EWSR1: variants seen among roughly 807,000 people sequenced by gnomAD.
EWSR1 encodes the protein EWS RNA binding protein 1.
In EWSR1, 14 loss-of-function variants were observed where a neutral mutation model predicts 92.1. That is an observed-to-expected ratio of 0.15 (90% CI 0.10 to 0.24). The LOEUF (loss-of-function observed/expected upper bound fraction) is 0.24. Among genes scored for constraint, EWSR1 ranks in the 10% least tolerant of loss-of-function variants. EWSR1 has a pLI of 1.00. For missense variants in EWSR1, 637 were observed against 870.9 expected (o/e 0.73, Z 3.38); for synonymous variants, 303 against 292.9 (o/e 1.03, Z -0.35).
rs2058284464 is a variant in EWSR1 at position 29,268,297 on chromosome 22, G to A, written c.-40G>A. On this transcript the variant is annotated 5_prime_UTR_variant, in exon 1 of 17. Transcript: ENST00000397938. ...TGCGGCGCCTAGAGGGAAAGCGAGA[G>A]GGAGACGGACGTTGAGAGAACGAGG... The A allele has an allele frequency of 1.9e-6, 3 of 1,610,440 alleles. No individual in the cohort carries two copies. The highest frequency in any genetic ancestry group is 4.5e-5 in the East Asian group (2 of 44,854).
chr22:29,274,226 A>G, intron 4 of EWSR1: 1 of 1,611,268 alleles, frequency 6.2e-7, no homozygotes, highest in Non-Finnish European at 8.5e-7. Context: ...GCTTCATCTG[A>G]TAGTGTACCC....
chr22:29,292,117 T>C lies in EWSR1; in HGVS notation c.1013-20T>C, dbSNP rs1189489217. 1 of 1,611,922 alleles carries C rather than the reference T, an allele frequency of 6.2e-7. No homozygotes were observed. Among genetic ancestry groups the C allele is most frequent in the African/African-American group, 1.3e-5 (1 of 74,900 alleles). ...AGACGTGCACTAATAATATTTTATATGATCTTTCCTGGTTGGCAGGACCCA... is the reference window on the plus strand; with the variant it reads ...AGACGTGCACTAATAATATTTTATACGATCTTTCCTGGTTGGCAGGACCCA... On this transcript the variant is annotated intron_variant, in intron 9 of 16. Transcript: ENST00000397938.
Position 29,299,702 on chromosome 22 carries a change from A to G in EWSR1, c.1782A>G (p.Gly594=). 2 of 1,612,158 alleles carry G rather than the reference A, an allele frequency of 1.2e-6. No individual in the cohort carries two copies. The highest frequency in any genetic ancestry group is 1.7e-6 in the Non-Finnish European group (2 of 1,179,100). The change falls in exon 16 of 17, where the codon GGA becomes GGG. Residue 594 remains glycine (G), a synonymous_variant. Coordinates refer to ENST00000397938, the MANE Select transcript of EWSR1 (RefSeq NM_005243.4). ...GAATGTTCAGAGGTGGCCGTGGTGG[A>G]GACAGAGGTGGCTTCCGTGGTGGCC... ...PGGMFRGGRG[G]DRGGFRGGRG... is the part of the protein sequence containing the mutation.
chr22:29,288,676 A>G lies in EWSR1; in HGVS notation c.864A>G (p.Pro288=), dbSNP rs771505562. 2 of 1,613,978 alleles carry G rather than the reference A, an allele frequency of 1.2e-6. No individual in the cohort carries two copies. The highest frequency in any genetic ancestry group is 1.7e-6 in the Non-Finnish European group (2 of 1,179,866). ...YGQESGGFSG[P]GENRSMSGPD... Reference sequence around the variant, plus strand: ...AGGAGTCTGGAGGATTTTCCGGACCAGGAGAGAACCGGAGCATGAGTGGCC... The same window carrying G: ...AGGAGTCTGGAGGATTTTCCGGACCGGGAGAGAACCGGAGCATGAGTGGCC... The change falls in exon 8 of 17, where the codon CCA becomes CCG. Residue 288 remains proline (P), a synonymous_variant. Coordinates refer to ENST00000397938, the MANE Select transcript of EWSR1 (RefSeq NM_005243.4).
intron 13 of EWSR1, 89 bp downstream of exon 13, chr22:29,298,038 T>G (rs1434193574): frequency 7.1e-7 from 1 of 1,406,054 alleles, no homozygotes; most frequent in Admixed American, 2.2e-5. Flanking sequence ...TGAAGAAATA[T>G]AAAATTGTGT....
At chr22:29,279,414 T>C (rs992710875) in intron 5 of EWSR1, among the ~76,000 whole-genome samples, 1 of 152,212 alleles carries the variant, frequency 6.6e-6, no homozygotes, top group African/African-American at 2.4e-5. Flanking sequence ...TTCCCTACAT[T>C]GTATAGAGGC....
intron 3 of EWSR1, among the ~76,000 whole-genome samples, chr22:29,273,016 T>C (rs556938361): frequency 6.6e-6 from 1 of 152,182 alleles, no homozygotes; most frequent in Non-Finnish European, 1.5e-5. Flanking sequence ...CATGGAAACA[T>C]GTTCTAGGAC....
chr22:29,290,169 G>T, intron 8 of EWSR1: 1 of 384,764 alleles, frequency 2.6e-6, no homozygotes. Flanking sequence ...AGAGACCATG[G>T]CTTTCCCCAT....
intron 12 of EWSR1, among the ~76,000 whole-genome samples, chr22:29,296,872 C>G (rs2147752224): frequency 6.6e-6 from 1 of 152,118 alleles, no homozygotes; most frequent in South Asian, 2.1e-4. Context: ...AAAACCCTGT[C>G]TCTACAAAAA....
chr22:29,291,662 CTA>C (rs1479970962), intron 9 of EWSR1, 63 bp downstream of exon 9: 4 of 1,472,978 alleles, frequency 2.7e-6, no homozygotes, highest in Non-Finnish European at 3.7e-6. Flanking sequence ...TTTTAGAAAA[CTA>C]TAATTTTTTT....
chr22:29,277,756 A>G, intron 4 of EWSR1: 1 of 404,900 alleles, frequency 2.5e-6, no homozygotes, highest in South Asian at 4.1e-5. Context: ...AAGAGGGGGC[A>G]GAAGGAACCC....
intron 6 of EWSR1, among the ~76,000 whole-genome samples, chr22:29,286,323 G>GT (rs2060027749): frequency 6.6e-6 from 1 of 151,858 alleles, no homozygotes; most frequent in Non-Finnish European, 1.5e-5. Flanking sequence ...AGCTGAAAAT[G>GT]ACCATTGTTT....
At chr22:29,292,314 TCTACTCATAATTG>T in intron 10 of EWSR1, 145 bp downstream of exon 10, 1 of 1,022,012 alleles carries the variant, frequency 9.8e-7, no homozygotes, top group South Asian at 1.3e-5. Context: ...TATGTGAGCA[TCTACTCATAATTG>T]CCTTAAGTGA....
intron 4 of EWSR1, chr22:29,276,166 T>C (rs2059107549): frequency 4.3e-6 from 1 of 231,232 alleles, no homozygotes; most frequent in Admixed American, 5.6e-5. Flanking sequence ...TTGTAAATCT[T>C]ATAGACGTGT....
chr22:29,292,533 A>G lies in EWSR1; in HGVS notation c.1091A>G (p.Tyr364Cys). 1 of 1,614,018 alleles carries G rather than the reference A, an allele frequency of 6.2e-7. No individual in the cohort carries two copies. Among genetic ancestry groups the G allele is most frequent in the Non-Finnish European group, 8.5e-7 (1 of 1,179,940 alleles). Residue 364 changes from tyrosine (Y) to cysteine (C), a missense_variant, in exon 11 of 17, where the codon TAT becomes TGT. By Grantham distance (194) the Tyr-to-Cys change is radical (BLOSUM62 -2). Around this residue, in one of 5 missense-constraint regions of EWSR1, gnomAD observed 363 missense variants for 447.8 expected, o/e 0.81. Coordinates refer to ENST00000397938, the MANE Select transcript of EWSR1 (RefSeq NM_005243.4). ...GAAGACTCTGACAACAGTGCAATTT[A>G]TGTACAAGGATTAAATGACAGTGTG... ...PDEDSDNSAIYVQGLNDSVTL... is the reference protein window; with the variant it reads ...PDEDSDNSAICVQGLNDSVTL...
intron 8 of EWSR1, chr22:29,289,044 C>T: frequency 2.4e-6 from 1 of 417,362 alleles, no homozygotes. Flanking sequence ...GCTTTCAGTT[C>T]CCTTCATGGT....
chr22:29,286,359 A>G (rs2060031781), intron 6 of EWSR1, among the ~76,000 whole-genome samples: 1 of 151,906 alleles, frequency 6.6e-6, no homozygotes, highest in African/African-American at 2.4e-5. Flanking sequence ...ATTAAGAGAA[A>G]ACTCTTTAAG....
At chr22:29,279,363 A>T (rs1437742346) in intron 5 of EWSR1, among the ~76,000 whole-genome samples, 1 of 152,222 alleles carries the variant, frequency 6.6e-6, no homozygotes, top group South Asian at 2.1e-4. Flanking sequence ...CATATTCAAG[A>T]AATCAAACAT....
Position 29,272,249 on chromosome 22 carries a change from AGGG to A in EWSR1, c.49_50+1del. 6.2e-7 allele frequency: 1 copy of A among 1,614,106 alleles called. No homozygotes were observed. The highest frequency in any genetic ancestry group is 8.5e-7 in the Non-Finnish European group (1 of 1,179,948). ...ACCTATAGCCAAGCTGCAGCGCAGCAGGGGTAAGTCAGTCTTTTATAACCGTAT... is the reference window on the plus strand; with the variant it reads ...ACCTATAGCCAAGCTGCAGCGCAGCAGTAAGTCAGTCTTTTATAACCGTAT... On this transcript the variant is annotated inframe_deletion and splice_region_variant, in exon 2 of 17. Transcript: ENST00000397938.
Sources: gnomAD v4.1 joint callset for allele counts (sites outside exome capture counted in the v4.1 genomes callset) on GRCh38, gnomAD v4.1.1 for gene constraint, gnomAD v4.1.1 regional missense constraint, MANE v1.5 for transcripts, NCBI Gene and HGNC (gene_info 2026-07-23, HGNC 2026-07-21) for gene names.